AGBL1: variants seen among roughly 807,000 people sequenced by gnomAD.
AGBL1 encodes AGBL carboxypeptidase 1, also known as cytosolic carboxypeptidase 4.
AGBL1 carries 130 observed loss-of-function variants against 118.9 expected under a neutral mutation model. The observed-to-expected ratio is 1.09, with a 90% CI of 0.95 to 1.26. AGBL1 has a LOEUF of 1.26. AGBL1 is among the 50% of genes most tolerant of loss of function. The pLI, the probability that AGBL1 is intolerant of heterozygous loss-of-function variation, is 0.00. For synonymous variants in AGBL1, 555 were observed against 478.9 expected (o/e 1.16, Z -2.08); for missense variants, 1,584 against 1,298.1 (o/e 1.22, Z -3.38).
intron 1 of AGBL1, among the ~76,000 whole-genome samples, chr15:86,136,638 G>A (rs1473552874): frequency 1.3e-5 from 2 of 152,204 alleles, no homozygotes; most frequent in African/African-American, 2.4e-5. Flanking sequence ...GAGAGCAGAG[G>A]TACCCATGAT....
chr15:87,007,232 C>T (rs913394568), intron 24 of AGBL1, among the ~76,000 whole-genome samples: 9 of 152,046 alleles, frequency 5.9e-5, no homozygotes, highest in Non-Finnish European at 1.3e-4. Context: ...GGTTCTTACG[C>T]TAGCTGTATA....
chr15:86,953,909 T>C (rs975299601), intron 23 of AGBL1, among the ~76,000 whole-genome samples: 2 of 152,186 alleles, frequency 1.3e-5, no homozygotes, highest in African/African-American at 4.8e-5. Flanking sequence ...TGGATGCCTT[T>C]TATTTCTTTT....
chr15:86,147,791 C>T (rs1046311862), intron 3 of AGBL1, among the ~76,000 whole-genome samples: 4 of 152,238 alleles, frequency 2.6e-5, no homozygotes, highest in South Asian at 4.1e-4. Flanking sequence ...TGAGAACAGA[C>T]AGACTGCCTC....
intron 18 of AGBL1, among the ~76,000 whole-genome samples, chr15:86,470,465 C>G (rs955843364): frequency 6.6e-6 from 1 of 152,014 alleles, no homozygotes; most frequent in Admixed American, 6.6e-5. Context: ...GTTTTAATTT[C>G]TACAAGTTCG....
intron 21 of AGBL1, among the ~76,000 whole-genome samples, chr15:86,566,869 G>A (rs928324386): frequency 6.6e-6 from 1 of 152,188 alleles, no homozygotes; most frequent in Non-Finnish European, 1.5e-5. Flanking sequence ...TGTGTCAGAT[G>A]TAGAGTTCCA....
intron 17 of AGBL1, among the ~76,000 whole-genome samples, chr15:86,319,207 T>C (rs556324356): frequency 6.6e-6 from 1 of 152,298 alleles, no homozygotes; most frequent in South Asian, 2.1e-4. Flanking sequence ...GGAATCATAG[T>C]ATCTAGGAGC....
intron 22 of AGBL1, among the ~76,000 whole-genome samples, chr15:86,889,946 C>T (rs2080027396): frequency 6.6e-6 from 1 of 152,074 alleles, no homozygotes; most frequent in Admixed American, 6.6e-5. Context: ...ATATTGCTGC[C>T]TCTAGATCTT....
chr15:86,692,841 GA>G (rs2086196235), intron 22 of AGBL1, among the ~76,000 whole-genome samples: 1 of 152,076 alleles, frequency 6.6e-6, no homozygotes, highest in Admixed American at 6.6e-5. Context: ...TTCCACTTAT[GA>G]GTGAGAACAT....
chr15:86,177,470 T>C (rs901091697), intron 5 of AGBL1, among the ~76,000 whole-genome samples: 12 of 152,192 alleles, frequency 7.9e-5, no homozygotes, highest in African/African-American at 2.9e-4. Context: ...CATAGGATAC[T>C]TTACCCACCT....
At chr15:86,688,195 G>A (rs921211171) in intron 22 of AGBL1, among the ~76,000 whole-genome samples, 7 of 152,006 alleles carry the variant, frequency 4.6e-5, no homozygotes, top group African/African-American at 1.4e-4. Flanking sequence ...CTTGAGGAGG[G>A]AGGTCCTCTC....
chr15:86,155,997 C>G (rs1597468622), intron 4 of AGBL1, among the ~76,000 whole-genome samples: 2 of 152,236 alleles, frequency 1.3e-5, no homozygotes, highest in East Asian at 1.9e-4. Context: ...CCTTAGTTCA[C>G]TGCAATCTCT....
chr15:86,190,220 T>A (rs1317643947), intron 5 of AGBL1, among the ~76,000 whole-genome samples: 1 of 152,140 alleles, frequency 6.6e-6, no homozygotes, highest in Non-Finnish European at 1.5e-5. Context: ...CTCTTTAATA[T>A]CCAAGAGAAT....
chr15:86,716,020 G>A (rs1469904556), intron 22 of AGBL1, among the ~76,000 whole-genome samples: 1 of 149,732 alleles, frequency 6.7e-6, no homozygotes, highest in Admixed American at 6.7e-5. Context: ...GAGCTGAGAT[G>A]GTACCACTGC....
At chr15:86,556,537 G>T (rs1169228756) in intron 21 of AGBL1, among the ~76,000 whole-genome samples, 1 of 152,206 alleles carries the variant, frequency 6.6e-6, no homozygotes, top group Non-Finnish European at 1.5e-5. Context: ...TACTCACAGA[G>T]GATGGTGAGT....
intron 24 of AGBL1, among the ~76,000 whole-genome samples, chr15:87,020,644 G>A (rs1232854824): frequency 6.6e-6 from 1 of 152,070 alleles, no homozygotes; most frequent in Non-Finnish European, 1.5e-5. Flanking sequence ...AGCAACTTCA[G>A]CAAAGTCTCA....
At chr15:86,958,135 T>C (rs2080951042) in intron 23 of AGBL1, among the ~76,000 whole-genome samples, 2 of 151,146 alleles carry the variant, frequency 1.3e-5, no homozygotes, top group South Asian at 4.2e-4. Context: ...AGCTAAAGAA[T>C]TGGAGGCTGC....
At chr15:87,028,141 G>A (rs1340312428) in intron 24 of AGBL1, among the ~76,000 whole-genome samples, 1 of 151,840 alleles carries the variant, frequency 6.6e-6, no homozygotes, top group African/African-American at 2.4e-5. Context: ...ATATTAACTG[G>A]AAAGTGAGAA....
intron 21 of AGBL1, among the ~76,000 whole-genome samples, chr15:86,574,750 G>A (rs139369558): frequency 0.012 from 1,805 of 151,260 alleles, 24 homozygotes; most frequent in Non-Finnish European, 0.02. Flanking sequence ...GCTAATTTTT[G>A]TATTTTTAGT....
intron 23 of AGBL1, among the ~76,000 whole-genome samples, chr15:86,959,543 C>T (rs907282321): frequency 4.7e-5 from 7 of 148,378 alleles, no homozygotes; most frequent in Admixed American, 3.3e-4. Flanking sequence ...TTACAACACA[C>T]ACAAACACCC....
Sources: allele counts gnomAD v4.1 joint callset (sites outside exome capture counted in the v4.1 genomes callset), GRCh38; gene constraint gnomAD v4.1.1; transcripts MANE v1.5; gene names NCBI Gene and HGNC (gene_info 2026-07-23, HGNC 2026-07-21).